Variants in SMIM36 observed in about 807,000 individuals in gnomAD.
SMIM36 encodes small integral membrane protein 36.
chr17:55,456,116 CAAAAAAAAAAAAAAAAAAA>C (rs10546288), intron 4 of SMIM36, among the ~76,000 whole-genome samples: 1 of 39,500 alleles, frequency 2.5e-5, no homozygotes, highest in Admixed American at 3.9e-4. Flanking sequence ...AAAACTGTCT[CAAAAAAAAAAAAAAAAAAA>C]AAAAAAAAAA....
intron 4 of SMIM36, among the ~76,000 whole-genome samples, chr17:55,461,954 A>C (rs771831594): frequency 6.6e-6 from 1 of 152,234 alleles, no homozygotes; most frequent in African/African-American, 2.4e-5. Context: ...CCACTGAGCC[A>C]CTGATCTGGA....
At chr17:55,502,929 A>G (rs1481361380) in intron 1 of SMIM36, among the ~76,000 whole-genome samples, 1 of 149,980 alleles carries the variant, frequency 6.7e-6, no homozygotes, top group Non-Finnish European at 1.5e-5. Flanking sequence ...TGAAGAATGC[A>G]GAAGCCTCAG....
At chr17:55,462,096 T>C (rs556996908) in intron 4 of SMIM36, among the ~76,000 whole-genome samples, 1 of 152,326 alleles carries the variant, frequency 6.6e-6, no homozygotes, top group Non-Finnish European at 1.5e-5. Flanking sequence ...AGTTTGATGT[T>C]GTGGAAAGTG....
intron 1 of SMIM36, among the ~76,000 whole-genome samples, chr17:55,488,118 A>G (rs1400290525): frequency 1.3e-5 from 2 of 152,200 alleles, no homozygotes; most frequent in South Asian, 2.1e-4. Flanking sequence ...AGTTTTCCTT[A>G]CTATTTACTT....
intron 1 of SMIM36, among the ~76,000 whole-genome samples, chr17:55,486,285 C>T (rs1243322709): frequency 6.6e-6 from 1 of 152,140 alleles, no homozygotes; most frequent in African/African-American, 2.4e-5. Context: ...GATCCACACA[C>T]CTCTGCCTCC....
At chr17:55,531,523 T>C in the SMIM36 span, among the ~76,000 whole-genome samples, 1 of 152,362 alleles carries the variant, frequency 6.6e-6, no homozygotes, top group East Asian at 1.9e-4. Flanking sequence ...ATAGGACTGA[T>C]GAACAATAAA....
chr17:55,452,280 C>T, intron 4 of SMIM36, among the ~76,000 whole-genome samples: 1 of 152,020 alleles, frequency 6.6e-6, no homozygotes, highest in East Asian at 1.9e-4. Context: ...GGTGTAGAAA[C>T]TGGTAACAGC....
chr17:55,457,531 ATTTTTT>A, intron 4 of SMIM36, among the ~76,000 whole-genome samples: 1 of 147,694 alleles, frequency 6.8e-6, no homozygotes, highest in Non-Finnish European at 1.5e-5. Context: ...TTTTATTTTT[ATTTTTT>A]GTTTTTGAGA....
the SMIM36 span, among the ~76,000 whole-genome samples, chr17:55,524,803 A>G: frequency 6.6e-6 from 1 of 152,250 alleles, no homozygotes; most frequent in East Asian, 1.9e-4. Context: ...GTATAAAGCT[A>G]GGATTGACTT....
intron 4 of SMIM36, among the ~76,000 whole-genome samples, chr17:55,462,620 AAAAT>A (rs1909165333): frequency 6.6e-6 from 1 of 152,188 alleles, no homozygotes; most frequent in Non-Finnish European, 1.5e-5. Context: ...TAAATAAATA[AAAAT>A]AAATAAATAC....
At chr17:55,489,526 A>C (rs191418302) in intron 1 of SMIM36, among the ~76,000 whole-genome samples, 38 of 152,386 alleles carry the variant, frequency 2.5e-4, no homozygotes, top group Admixed American at 2.4e-3. Flanking sequence ...TATGCATATA[A>C]AAACATAAAG....
the SMIM36 span, among the ~76,000 whole-genome samples, chr17:55,517,739 A>G: frequency 6.6e-6 from 1 of 152,186 alleles, no homozygotes; most frequent in African/African-American, 2.4e-5. Flanking sequence ...TAAATTGGAG[A>G]TGGTGAGAAG....
chr17:55,522,797 C>T, the SMIM36 span, among the ~76,000 whole-genome samples: 2 of 152,142 alleles, frequency 1.3e-5, no homozygotes, highest in East Asian at 1.9e-4. Context: ...TGTTGTCATG[C>T]ATTTTGTTTG....
chr17:55,523,187 G>C, the SMIM36 span, among the ~76,000 whole-genome samples: 6 of 152,106 alleles, frequency 3.9e-5, no homozygotes, highest in Non-Finnish European at 7.4e-5. Context: ...TTGAAGAAGA[G>C]GAAATGAGAC....
intron 1 of SMIM36, among the ~76,000 whole-genome samples, chr17:55,500,483 G>A (rs1452889029): frequency 1.3e-5 from 2 of 151,818 alleles, no homozygotes; most frequent in East Asian, 3.9e-4. Context: ...ATATTGAAAA[G>A]ATTGTTTTAA....
chr17:55,464,247 A>G (rs965320034), intron 4 of SMIM36, among the ~76,000 whole-genome samples: 1 of 152,236 alleles, frequency 6.6e-6, no homozygotes, highest in Admixed American at 6.5e-5. Context: ...ATTGATTTAT[A>G]CAAGGCTCAA....
At chr17:55,489,867 T>TTTC (rs60304495) in intron 1 of SMIM36, among the ~76,000 whole-genome samples, 115,185 of 151,542 alleles carry the variant, frequency 0.76, 44,410 homozygotes, top group Non-Finnish European at 0.82. Flanking sequence ...TTTGTTTTTT[T>TTTC]TTACAGAATC....
At chr17:55,500,358 C>T (rs1381863554) in intron 1 of SMIM36, among the ~76,000 whole-genome samples, 1 of 152,096 alleles carries the variant, frequency 6.6e-6, no homozygotes, top group Non-Finnish European at 1.5e-5. Context: ...CTCTTGGTCT[C>T]AAGTGATCCT....
chr17:55,518,404 G>A, the SMIM36 span, among the ~76,000 whole-genome samples: 1 of 152,178 alleles, frequency 6.6e-6, no homozygotes, highest in Non-Finnish European at 1.5e-5. Context: ...GAACTTTGGG[G>A]AACACTATTC....
Sources: gnomAD v4.1 joint callset for allele counts (sites outside exome capture counted in the v4.1 genomes callset) on GRCh38, gnomAD v4.1.1 for gene constraint, MANE v1.5 for transcripts, NCBI Gene and HGNC (gene_info 2026-07-23, HGNC 2026-07-21) for gene names.